The following KCNMA1 variants were observed in gnomAD, a reference collection of about 807,000 sequenced individuals.
KCNMA1 encodes the protein potassium calcium-activated channel subfamily M alpha 1.
Under a neutral mutation model 140.0 loss-of-function variants are expected in KCNMA1, and 29 were observed. That is an observed-to-expected ratio of 0.21 (90% CI 0.15 to 0.28). The LOEUF is 0.28. Ranked by LOEUF, KCNMA1 falls within the 10% of genes least tolerant of loss-of-function variation. The pLI is 1.00. For synonymous variants in KCNMA1, 612 were observed against 611.9 expected (o/e 1.00, Z 0.00); for missense variants, 880 against 1,602.2 (o/e 0.55, Z 7.70).
At chr10:77,101,930 C>T (rs1234157445) in intron 9 of KCNMA1, among the ~76,000 whole-genome samples, 3 of 152,108 alleles carry the variant, frequency 2.0e-5, no homozygotes, top group East Asian at 1.9e-4. Flanking sequence ...CAGAAAGAGT[C>T]GAGAGGGAAA....
At chr10:77,507,585 A>G (rs2046616345) in intron 1 of KCNMA1, among the ~76,000 whole-genome samples, 1 of 152,214 alleles carries the variant, frequency 6.6e-6, no homozygotes. Context: ...GCCCTGTCCC[A>G]GTGCTCTAAC....
chr10:77,354,615 G>C (rs947060821), intron 2 of KCNMA1: 4 of 152,196 alleles, frequency 2.6e-5, no homozygotes, highest in African/African-American at 9.7e-5. Context: ...AGATCATTCT[G>C]TGTGGTAAGT....
At chr10:76,920,020 G>GTATATGTATA (rs1554921803) in intron 23 of KCNMA1, among the ~76,000 whole-genome samples, 3 of 34,408 alleles carry the variant, frequency 8.7e-5, no homozygotes, top group South Asian at 2.3e-3. Context: ...GTGTGTGTGT[G>GTATATGTATA]TATATATATA....
chr10:77,464,010 C>G (rs2097928723), intron 1 of KCNMA1, among the ~76,000 whole-genome samples: 1 of 152,132 alleles, frequency 6.6e-6, no homozygotes, highest in African/African-American at 2.4e-5. Flanking sequence ...AACAGAATCT[C>G]AGACCCCACC....
At chr10:77,386,828 T>C (rs1248741337) in intron 2 of KCNMA1, among the ~76,000 whole-genome samples, 2 of 152,176 alleles carry the variant, frequency 1.3e-5, no homozygotes, top group Admixed American at 6.5e-5. Flanking sequence ...AGAGGCAAAA[T>C]GTATTTATCT....
chr10:76,973,143 T>C (rs1204189182), intron 19 of KCNMA1: 2 of 152,160 alleles, frequency 1.3e-5, no homozygotes, highest in African/African-American at 2.4e-5. Flanking sequence ...CTAATTACAA[T>C]ACACCTCCAT....
chr10:77,529,297 A>G (rs2154552546), intron 1 of KCNMA1, among the ~76,000 whole-genome samples: 1 of 149,880 alleles, frequency 6.7e-6, no homozygotes, highest in African/African-American at 2.5e-5. Flanking sequence ...TTCCTGTGCT[A>G]TTCCCTCTGC....
intron 1 of KCNMA1, among the ~76,000 whole-genome samples, chr10:77,487,298 A>C (rs2098472477): frequency 1.3e-5 from 2 of 152,186 alleles, no homozygotes; most frequent in South Asian, 4.1e-4. Flanking sequence ...GAACACACTT[A>C]AATGAAGAAG....
chr10:77,369,033 C>T (rs532157832), intron 2 of KCNMA1, among the ~76,000 whole-genome samples: 111 of 152,318 alleles, frequency 7.3e-4, no homozygotes, highest in African/African-American at 2.6e-3. Flanking sequence ...AGTTGCTTTG[C>T]CTTTTCACAT....
At chr10:77,431,607 C>T (rs2097152375) in intron 1 of KCNMA1, among the ~76,000 whole-genome samples, 1 of 149,724 alleles carries the variant, frequency 6.7e-6, no homozygotes, top group Non-Finnish European at 1.5e-5. Flanking sequence ...GGGCTCAGCC[C>T]TAGGGCAGCT....
At chr10:76,897,258 C>T (rs2042979139) in intron 25 of KCNMA1, among the ~76,000 whole-genome samples, 1 of 149,694 alleles carries the variant, frequency 6.7e-6, no homozygotes, top group Non-Finnish European at 1.5e-5. Flanking sequence ...AATAACCTGT[C>T]CTGAGCTGGG....
chr10:77,533,206 G>A (rs2058096626), intron 1 of KCNMA1, among the ~76,000 whole-genome samples: 1 of 152,102 alleles, frequency 6.6e-6, no homozygotes, highest in Admixed American at 6.6e-5. Flanking sequence ...GCCCAGTGTT[G>A]AGACACCCCA....
chr10:76,914,688 T>A (rs2051976998), intron 24 of KCNMA1: 2 of 434,780 alleles, frequency 4.6e-6, no homozygotes, highest in South Asian at 2.3e-5. Flanking sequence ...ATCCATCATC[T>A]CATGCTCCTT....
Position 76,871,721 on chromosome 10 carries a change from C to G in KCNMA1, c.*6148G>C, listed in dbSNP as rs80044113. On this transcript the variant is annotated 3_prime_UTR_variant, in exon 28 of 28. Transcript: ENST00000604624. ...TAATCCTGCCTTCATACCTAGAATG[C>G]TGATCCTCTACTTATCTAACTCCTA... The G allele has an allele frequency of 2.0e-4, 30 of 152,246 alleles. No homozygotes were observed. The East Asian group carries it at 4.8e-3, about 25-fold the overall frequency. 9.4% of individuals were successfully genotyped at this position (152,246 alleles called of 1,614,324 possible). A position where few individuals can be genotyped will look rare whatever the true frequency, so the allele number is the denominator to read the frequency against.
At chr10:76,889,679 G>T in intron 26 of KCNMA1, 110 bp from the exon 27 acceptor site, 1 of 877,424 alleles carries the variant, frequency 1.1e-6, no homozygotes, top group East Asian at 2.4e-5. Context: ...TGTCTCCCAA[G>T]TTGGAGGGTC....
chr10:77,470,832 CA>C (rs769983226), intron 1 of KCNMA1, among the ~76,000 whole-genome samples: 7 of 152,118 alleles, frequency 4.6e-5, no homozygotes, highest in Non-Finnish European at 7.4e-5. Flanking sequence ...TTGTTTTGTC[CA>C]AAAACTTGGA....
intron 22 of KCNMA1, 107 bp from the exon 23 acceptor site, chr10:76,945,072 A>G: frequency 2.1e-6 from 2 of 936,960 alleles, no homozygotes. Context: ...AAACAAATTA[A>G]AGATTGAGTC....
At chr10:77,419,282 G>T (rs566352153) in intron 1 of KCNMA1, among the ~76,000 whole-genome samples, 2 of 152,304 alleles carry the variant, frequency 1.3e-5, no homozygotes, top group African/African-American at 2.4e-5. Context: ...AGCGCTGCAG[G>T]CATCAACTTT....
At chr10:77,414,433 T>C (rs1298123188) in intron 1 of KCNMA1, among the ~76,000 whole-genome samples, 1 of 152,128 alleles carries the variant, frequency 6.6e-6, no homozygotes, top group East Asian at 1.9e-4. Flanking sequence ...CCTTGGTGAT[T>C]TTACACCAAC....
Sources: gnomAD v4.1 joint callset for allele counts (sites outside exome capture counted in the v4.1 genomes callset) on GRCh38, gnomAD v4.1.1 for gene constraint, MANE v1.5 for transcripts, NCBI Gene and HGNC (gene_info 2026-07-23, HGNC 2026-07-21) for gene names.